KRI1: variants seen among roughly 807,000 people sequenced by gnomAD.
KRI1 encodes protein KRI1 homolog.
In KRI1, 83 loss-of-function variants were observed where a neutral mutation model predicts 97.0. That is an observed-to-expected ratio of 0.86 (90% CI 0.72 to 1.03). KRI1 has a LOEUF of 1.03. KRI1 is among the 50% of genes least tolerant of loss of function. The pLI, the probability that KRI1 is intolerant of heterozygous loss-of-function variation, is 0.00. For missense variants in KRI1, 916 were observed against 928.4 expected (o/e 0.99, Z 0.17); for synonymous variants, 371 against 363.5 (o/e 1.02, Z -0.23).
intron 6 of KRI1, 141 bp from the exon 7 acceptor site, chr19:10,561,406 C>T (rs537104450): frequency 2.3e-6 from 2 of 855,380 alleles, no homozygotes; most frequent in Admixed American, 2.2e-5. Context: ...GTGATCCTCC[C>T]TCCTCTGCCC....
At chr19:10,562,979 C>G in intron 3 of KRI1, 142 bp from the exon 4 acceptor site, 1 of 611,266 alleles carries the variant, frequency 1.6e-6, no homozygotes, top group African/African-American at 1.8e-5. Flanking sequence ...GAGTATTGTG[C>G]TTGTCACCAT....
In KRI1 at chr19:10,553,641, T is replaced by G; in HGVS notation, c.*310A>C. The G allele has an allele frequency of 3.7e-6, 1 of 271,010 alleles. No individual in the cohort carries two copies. Among genetic ancestry groups the G allele is most frequent in the Middle Eastern group, 1.1e-3 (1 of 886 alleles). The allele number at this position is 271,010 out of a possible 1,614,324, so 16.8% of individuals were successfully genotyped here. On this transcript the variant is annotated 3_prime_UTR_variant, in exon 19 of 19. Transcript: ENST00000312962. The stretch of plus-strand genomic sequence containing the variant: ...CCCAGGCTGGAGTGCAGTGGTGCAA[T>G]CATAGCTCTCTGTAGCCTCAAACTC...
In KRI1 at chr19:10,566,007, CT is replaced by C; in HGVS notation, c.-9del. On this transcript the variant is annotated 5_prime_UTR_variant, in exon 1 of 19. Transcript: ENST00000312962. ...CCCGCGCGGTTCCGGCATGGCGGTT[CT>C]GTGGCCCATTGCGCACGCGCATTGA... is the stretch of plus-strand genomic sequence containing the variant. 2.0e-6 allele frequency: 3 copies of C among 1,507,594 alleles called. No homozygotes were observed. The highest frequency in any genetic ancestry group is 2.6e-6 in the Non-Finnish European group (3 of 1,134,688). 93.4% of individuals were successfully genotyped at this position (1,507,594 alleles called of 1,614,324 possible).
Position 10,555,158 on chromosome 19 carries a change from C to T in KRI1, c.1710G>A (p.Lys570=). 6.2e-7 allele frequency: 1 copy of T among 1,612,944 alleles called. No homozygotes were observed. The highest frequency in any genetic ancestry group is 2.2e-5 in the East Asian group (1 of 44,790). ...YRSEQEELRD[K]RAYSQKAQNS... ...TCTGGGCCTTCTGGCTGTACGCCCGCTTGTCCCGCAGCTCCTCCTGCTCTG... is the reference window on the plus strand; with the variant it reads ...TCTGGGCCTTCTGGCTGTACGCCCGTTTGTCCCGCAGCTCCTCCTGCTCTG... Residue 570 remains lysine (K), a synonymous_variant, in exon 18 of 19, where the codon AAG becomes AAA. Coordinates refer to ENST00000312962, the MANE Select transcript of KRI1 (RefSeq NM_023008.5).
chr19:10,564,258 C>G (rs1020330301), intron 3 of KRI1, among the ~76,000 whole-genome samples: 5 of 151,362 alleles, frequency 3.3e-5, no homozygotes, highest in Admixed American at 6.6e-5. Context: ...GTTGGGAGTT[C>G]GAGACCAGCC....
chr19:10,565,100 G>T, intron 2 of KRI1, 66 bp from the exon 3 acceptor site: 1 of 1,059,704 alleles, frequency 9.4e-7, no homozygotes, highest in Non-Finnish European at 1.5e-6. Context: ...GGCGCCAGCA[G>T]GTGAGCTCAG....
At chr19:10,559,564 C>A (rs1308734926) in intron 11 of KRI1, 35 bp from the exon 12 acceptor site, 1 of 1,613,696 alleles carries the variant, frequency 6.2e-7, no homozygotes, top group Non-Finnish European at 8.5e-7. Context: ...AGGGCATGGG[C>A]TTTCCTCCAG....
chr19:10,557,503 G>T (rs200104114), intron 16 of KRI1, 49 bp downstream of exon 16: 2 of 1,582,184 alleles, frequency 1.3e-6, no homozygotes, highest in Admixed American at 1.7e-5. Context: ...CTACCCCTTC[G>T]GCATACCTGG....
At position 10,553,541 on chromosome 19, in the gene KRI1, C is replaced by T. The variant is rs191047707; in HGVS notation, c.*410G>A. The T allele has an allele frequency of 3.9e-5, 7 of 181,024 alleles. No homozygotes were observed. Among genetic ancestry groups the T allele is most frequent in the East Asian group, 1.5e-4 (1 of 6,578 alleles). The allele number at this position is 181,024 out of a possible 1,614,324, so 11.2% of individuals were successfully genotyped here. On this transcript the variant is annotated 3_prime_UTR_variant, in exon 19 of 19. Coordinates refer to ENST00000312962, the MANE Select transcript of KRI1 (RefSeq NM_023008.5). Reference sequence around the variant, plus strand: ...CAGTTTCCACATCCATAAAATGGGACGACTTCCTTACCCACAGCTACACGT... The same window carrying T: ...CAGTTTCCACATCCATAAAATGGGATGACTTCCTTACCCACAGCTACACGT...
intron 9 of KRI1, 88 bp from the exon 10 acceptor site, chr19:10,560,024 A>T: frequency 6.7e-7 from 1 of 1,487,110 alleles, no homozygotes; most frequent in Non-Finnish European, 9.1e-7. Context: ...AAGCGTATGA[A>T]CTCATTTAAT....
At chr19:10,562,676 T>G in intron 4 of KRI1, 53 bp downstream of exon 4, 2 of 1,088,312 alleles carry the variant, frequency 1.8e-6, no homozygotes, top group South Asian at 2.5e-5. Flanking sequence ...AAGACCCCCA[T>G]AGACCTGACA....
At chr19:10,555,729 G>A (rs1916484006) in intron 16 of KRI1, among the ~76,000 whole-genome samples, 1 of 152,150 alleles carries the variant, frequency 6.6e-6, no homozygotes. Flanking sequence ...CAGCCTCTAG[G>A]CCTGTTTCCA....
In KRI1 at chr19:10,561,001, A is replaced by T. The variant is rs1258209052; in HGVS notation, c.663+2T>A. 1.2e-6 allele frequency: 2 copies of T among 1,610,946 alleles called. No homozygotes were observed. Among genetic ancestry groups the T allele is most frequent in the Non-Finnish European group, 1.7e-6 (2 of 1,177,068 alleles). ...CATCAGCGACCATGCGTGAGAACTCACCAGTTCCTTCAGGGAATCTGGGTT... is the reference window on the plus strand; with the variant it reads ...CATCAGCGACCATGCGTGAGAACTCTCCAGTTCCTTCAGGGAATCTGGGTT... On this transcript the variant is annotated splice_donor_variant, in intron 8 of 18. Transcript: ENST00000312962. LOFTEE classifies it high-confidence loss of function.
rs1199448839 is a variant in KRI1, at chr19:10,562,262, G to A, written c.384-417C>T. On this transcript the variant is annotated intron_variant, in intron 4 of 18. Transcript: ENST00000312962. ...ACGGGGTTTCACCATGTTGGCCAGGGTGGTCTCAAACTCTTGACCTCAGGT... is the reference window on the plus strand; with the variant it reads ...ACGGGGTTTCACCATGTTGGCCAGGATGGTCTCAAACTCTTGACCTCAGGT... 2.6e-5 allele frequency among the ~76,000 whole-genome samples: 4 copies of A among 151,684 alleles called. 1 individual carries two copies. Among genetic ancestry groups the A allele is most frequent in the South Asian group, 4.2e-4 (2 of 4,798 alleles).
In KRI1 at chr19:10,553,146, G is replaced by C. The variant is rs1916355891; in HGVS notation, c.*805C>G. The C allele has an allele frequency of 6.9e-7, 1 of 1,454,308 alleles. No homozygotes were observed. The highest frequency in any genetic ancestry group is 2.5e-5 in the East Asian group (1 of 40,604). The allele number at this position is 1,454,308 out of a possible 1,614,324, so 90.1% of individuals were successfully genotyped here. On this transcript the variant is annotated 3_prime_UTR_variant, in exon 19 of 19. Coordinates refer to ENST00000312962, the MANE Select transcript of KRI1 (RefSeq NM_023008.5). ...TGTCGGGTGTGGGATCTTGAGCTCT[G>C]GCAGTGATGATGGTACTTCCTGTTG...
At chr19:10,565,646 T>A (rs1916844085) in intron 2 of KRI1, 71 bp downstream of exon 2, 2 of 1,487,330 alleles carry the variant, frequency 1.3e-6, no homozygotes, top group Admixed American at 2.2e-5. Flanking sequence ...CCCCCCCGTC[T>A]ACATCGGGGT....
Position 10,553,842 on chromosome 19 carries a change from TG to T in KRI1, c.*108del. On this transcript the variant is annotated 3_prime_UTR_variant, in exon 19 of 19. Coordinates refer to ENST00000312962, the MANE Select transcript of KRI1 (RefSeq NM_023008.5). ...AAAGTGCTGGGATTACAGGCGTGCC[TG>T]GCCACAGATGAGAGGATCTCTGCAG... 2.0e-6 allele frequency: 2 copies of T among 977,992 alleles called. No individual in the cohort carries two copies. Among genetic ancestry groups the T allele is most frequent in the Non-Finnish European group, 2.9e-6 (2 of 687,510 alleles). The allele number at this position is 977,992 out of a possible 1,614,324, so 60.6% of individuals were successfully genotyped here. A position where few individuals can be genotyped will look rare whatever the true frequency, so the allele number is the denominator to read the frequency against.
chr19:10,563,738 C>T (rs1174735811), intron 3 of KRI1, among the ~76,000 whole-genome samples: 2 of 152,212 alleles, frequency 1.3e-5, no homozygotes, highest in Admixed American at 6.6e-5. Flanking sequence ...CCACAGCTCA[C>T]TGCAGCCTTG....
chr19:10,565,686 C>A, intron 2 of KRI1, 31 bp downstream of exon 2: 1 of 1,548,140 alleles, frequency 6.5e-7, no homozygotes. Context: ...TGGACGCCTC[C>A]GCACGTCCAG....
Sources: gnomAD v4.1 joint callset for allele counts (sites outside exome capture counted in the v4.1 genomes callset) on GRCh38, gnomAD v4.1.1 for gene constraint, MANE v1.5 for transcripts, NCBI Gene and HGNC (gene_info 2026-07-23, HGNC 2026-07-21) for gene names.